The following MAOA variants were observed in gnomAD, a reference collection of about 807,000 sequenced individuals.
The protein encoded by MAOA is amine oxidase [flavin-containing] A.
In MAOA, 6 loss-of-function variants were observed where a neutral mutation model predicts 42.0. The observed-to-expected ratio is 0.14, with a 90% CI of 0.08 to 0.28. MAOA has a LOEUF of 0.28. Ranked by LOEUF, MAOA falls within the 10% of genes least tolerant of loss-of-function variation. The pLI is 1.00. For synonymous variants in MAOA, 140 were observed against 154.0 expected (o/e 0.91, Z 0.67); for missense variants, 262 against 422.3 (o/e 0.62, Z 3.33).
At position 43,741,998 on chromosome X, in the gene MAOA, G is replaced by T; in HGVS notation, c.1213G>T (p.Gly405Cys). ...KNWCEEQYSG[G>C]CYTAYFPPGI... Reference sequence around the variant, plus strand: ...CTGGTGTGAGGAGCAGTACTCTGGGGGCTGCTACACGGCCTACTTCCCTCC... The same window carrying T: ...CTGGTGTGAGGAGCAGTACTCTGGGTGCTGCTACACGGCCTACTTCCCTCC... The change falls in exon 12 of 15, where the codon GGC (glycine) becomes TGC (cysteine). Residue 405 changes from glycine (G) to cysteine (C), a missense_variant. Physicochemically the swap from Gly to Cys is radical, Grantham distance 159. Transcript: ENST00000338702. 8.3e-7 allele frequency: 1 copy of T among 1,211,508 alleles called. No homozygotes were observed. Among genetic ancestry groups the T allele is most frequent in the Non-Finnish European group, 1.1e-6 (1 of 895,494 alleles).
At chrX:43,711,699 G>A (rs1302923089) in intron 3 of MAOA, among the ~76,000 whole-genome samples, 173 bp from the exon 4 acceptor site, 1 of 111,784 alleles carries the variant, frequency 8.9e-6, no homozygotes, top group African/African-American at 3.3e-5. Context: ...ATTAAATTGG[G>A]GCCTGTATAG....
chrX:43,714,155 AC>A (rs1389469650), intron 5 of MAOA, among the ~76,000 whole-genome samples: 1 of 111,181 alleles, frequency 9.0e-6, no homozygotes, highest in Non-Finnish European at 1.9e-5. Context: ...TCCAAAAATT[AC>A]CCACAAGGGC....
chrX:43,705,025 C>A (rs1355765291), intron 3 of MAOA, among the ~76,000 whole-genome samples: 2 of 111,809 alleles, frequency 1.8e-5, no homozygotes, highest in Non-Finnish European at 3.8e-5. Context: ...CAATACTTCC[C>A]AAATTGAACT....
intron 9 of MAOA, 123 bp downstream of exon 9, chrX:43,732,918 TA>T (rs1432622025): frequency 1.7e-5 from 9 of 541,116 alleles, no homozygotes; most frequent in Non-Finnish European, 3.0e-5. Flanking sequence ...TCAAAATATA[TA>T]ATGTTTCCAT....
At chrX:43,681,781 G>T (rs187811052) in intron 1 of MAOA, among the ~76,000 whole-genome samples, 71 of 107,488 alleles carry the variant, frequency 6.6e-4, no homozygotes, top group Non-Finnish European at 5.4e-4. Flanking sequence ...ATAATGAGAA[G>T]TATAAAGTTA....
chrX:43,699,753 G>A (rs944089036), intron 3 of MAOA, among the ~76,000 whole-genome samples: 3 of 110,921 alleles, frequency 2.7e-5, no homozygotes, highest in African/African-American at 9.9e-5. Flanking sequence ...GTATGTTCTG[G>A]AATACTAAGT....
At chrX:43,697,830 A>G (rs946005697) in intron 3 of MAOA, among the ~76,000 whole-genome samples, 1 of 111,795 alleles carries the variant, frequency 8.9e-6, no homozygotes, top group Middle Eastern at 4.2e-3. Flanking sequence ...ATTATCAGGA[A>G]ACTATATTAG....
At chrX:43,743,237 C>T (rs1375186407) in intron 12 of MAOA, among the ~76,000 whole-genome samples, 1 of 111,228 alleles carries the variant, frequency 9.0e-6, no homozygotes, top group Non-Finnish European at 1.9e-5. Context: ...AGCCAGTCCC[C>T]AGAGAAGTTC....
intron 5 of MAOA, among the ~76,000 whole-genome samples, chrX:43,722,515 T>C (rs2033799416): frequency 1.0e-5 from 1 of 95,827 alleles, no homozygotes; most frequent in African/African-American, 3.5e-5. Flanking sequence ...TTCATATCCT[T>C]TGCCCATTTT....
chrX:43,701,556 A>G (rs965694933), intron 3 of MAOA, among the ~76,000 whole-genome samples: 1 of 111,221 alleles, frequency 9.0e-6, no homozygotes, highest in African/African-American at 3.3e-5. Context: ...TCTTCCTTCC[A>G]TTCATTTCTA....
intron 2 of MAOA, among the ~76,000 whole-genome samples, chrX:43,690,173 T>A (rs2033521251): frequency 9.1e-6 from 1 of 110,008 alleles, no homozygotes; most frequent in Non-Finnish European, 1.9e-5. Context: ...TTTTTAATAC[T>A]ACTTAATATT....
At chrX:43,704,060 A>G (rs972853577) in intron 3 of MAOA, among the ~76,000 whole-genome samples, 2 of 111,870 alleles carry the variant, frequency 1.8e-5, no homozygotes, top group African/African-American at 6.5e-5. Flanking sequence ...AAATTTTACC[A>G]AAAGTTTAAA....
chrX:43,715,901 G>A (rs1011846576), intron 5 of MAOA, among the ~76,000 whole-genome samples: 3 of 110,197 alleles, frequency 2.7e-5, no homozygotes, highest in East Asian at 2.9e-4. Context: ...GTCTCATCCC[G>A]AAATGACCCA....
rs746842978 is a variant in MAOA at position 43,701,946 on chromosome X, C to T, written c.306+8518C>T. Among the ~76,000 whole-genome samples, 3 of 111,955 alleles carry T rather than the reference C, an allele frequency of 2.7e-5. No homozygotes were observed. The South Asian group carries it at 1.1e-3, about 41-fold the overall frequency. ...CCTATTTCTTCTCAGCAACCCCTGT[C>T]CTCACCTCAGTGGCATGCACATTAC... On this transcript the variant is annotated intron_variant, in intron 3 of 14. Transcript: ENST00000338702.
intron 5 of MAOA, among the ~76,000 whole-genome samples, chrX:43,721,082 A>G (rs756603543): frequency 5.4e-5 from 6 of 111,005 alleles, no homozygotes; most frequent in Non-Finnish European, 9.5e-5. Flanking sequence ...GCAGGATGCT[A>G]CCTTCCAGAA....
At chrX:43,694,007 G>A (rs1452095219) in intron 3 of MAOA, among the ~76,000 whole-genome samples, 1 of 111,555 alleles carries the variant, frequency 9.0e-6, no homozygotes, top group Non-Finnish European at 1.9e-5. Context: ...TGTTTGTGCA[G>A]TTTCCTACTG....
chrX:43,711,191 A>G (rs2033696951), intron 3 of MAOA, among the ~76,000 whole-genome samples: 1 of 110,926 alleles, frequency 9.0e-6, no homozygotes, highest in African/African-American at 3.3e-5. Flanking sequence ...CTGTAATGGG[A>G]GCTGGTAGCT....
chrX:43,742,161 C>G, intron 12 of MAOA, 114 bp downstream of exon 12: 1 of 1,094,069 alleles, frequency 9.1e-7, no homozygotes, highest in Non-Finnish European at 1.2e-6. Context: ...TTCTTATGTC[C>G]TAGATAATAC....
chrX:43,731,257 G>A lies in MAOA; in HGVS notation c.662G>A (p.Gly221Asp). The A allele has an allele frequency of 8.3e-7, 1 of 1,210,571 alleles. No individual in the cohort carries two copies. Among genetic ancestry groups the A allele is most frequent in the Non-Finnish European group, 1.1e-6 (1 of 894,465 alleles). The change falls in exon 7 of 15, where the codon GGT (glycine) becomes GAT (aspartate). Residue 221 changes from glycine (G) to aspartate (D), a missense_variant. Gly to Asp is a moderately conservative substitution (Grantham distance 94). Around this residue, in one of 3 missense-constraint regions of MAOA, gnomAD observed 141 missense variants for 195.6 expected, o/e 0.72. Transcript: ENST00000338702. ...CTCCTGTAGGAACGGAAGTTTGTAG[G>A]TGGATCTGGTCAAGTGAGCGAACGG... ...TNGGQERKFVGGSGQVSERIM... is the reference protein window; with the variant it reads ...TNGGQERKFVDGSGQVSERIM...
Sources: allele counts gnomAD v4.1 joint callset (sites outside exome capture counted in the v4.1 genomes callset), GRCh38; gene constraint gnomAD v4.1.1; regional missense constraint gnomAD v4.1.1; transcripts MANE v1.5; gene names NCBI Gene and HGNC (gene_info 2026-07-23, HGNC 2026-07-21).